The following AIG1 variants were observed in gnomAD, a reference collection of about 807,000 sequenced individuals.
AIG1 encodes androgen induced 1.
Under a neutral mutation model 31.4 loss-of-function variants are expected in AIG1, and 23 were observed. The ratio of observed to expected loss-of-function variants is 0.73; its 90% CI spans 0.53 to 1.04. The LOEUF (loss-of-function observed/expected upper bound fraction) is 1.04. Ranked by LOEUF, AIG1 falls within the 50% of genes least tolerant of loss-of-function variation. AIG1 has a pLI of 0.00. For missense variants in AIG1, 274 were observed against 295.0 expected (o/e 0.93, Z 0.52); for synonymous variants, 100 against 110.5 (o/e 0.90, Z 0.60).
chr6:143,252,517 G>A (rs933295504), intron 3 of AIG1, among the ~76,000 whole-genome samples: 20 of 152,182 alleles, frequency 1.3e-4, no homozygotes, highest in Non-Finnish European at 2.8e-4. Context: ...CAAGAGTGGG[G>A]AAATTTTTCA....
At chr6:143,219,351 T>G (rs1192337140) in intron 3 of AIG1, among the ~76,000 whole-genome samples, 1 of 152,146 alleles carries the variant, frequency 6.6e-6, no homozygotes, top group East Asian at 1.9e-4. Context: ...ATGCCTGTGG[T>G]CCCAGCTACT....
At chr6:143,061,214 T>A in intron 1 of AIG1, 148 bp downstream of exon 1, 1 of 972,740 alleles carries the variant, frequency 1.0e-6, no homozygotes, top group Non-Finnish European at 1.6e-6. Context: ...TCTTCCCCAG[T>A]GATTGCGTGT....
intron 3 of AIG1, among the ~76,000 whole-genome samples, chr6:143,204,505 C>G (rs1394378075): frequency 6.6e-6 from 1 of 152,038 alleles, no homozygotes; most frequent in Non-Finnish European, 1.5e-5. Context: ...GAGCAGTATT[C>G]CAGGTGAAAC....
At chr6:143,141,901 C>T (rs1194601914) in intron 2 of AIG1, among the ~76,000 whole-genome samples, 1 of 151,558 alleles carries the variant, frequency 6.6e-6, no homozygotes, top group African/African-American at 2.4e-5. Flanking sequence ...GGAGGGGAGG[C>T]ATGAGAGAAG....
chr6:143,253,569 A>G (rs1795161501), intron 3 of AIG1, among the ~76,000 whole-genome samples: 1 of 152,230 alleles, frequency 6.6e-6, no homozygotes, highest in African/African-American at 2.4e-5. Context: ...CCCACAGTGC[A>G]TATAAATAGA....
At chr6:143,178,760 C>T (rs536260119) in intron 3 of AIG1, among the ~76,000 whole-genome samples, 6 of 152,302 alleles carry the variant, frequency 3.9e-5, no homozygotes, top group Admixed American at 6.5e-5. Flanking sequence ...ATGATGTCTT[C>T]TGTAACTTTT....
intron 3 of AIG1, among the ~76,000 whole-genome samples, chr6:143,260,538 G>T (rs1399963098): frequency 6.6e-6 from 1 of 152,156 alleles, no homozygotes; most frequent in Admixed American, 6.5e-5. Flanking sequence ...AAAAACCTGT[G>T]GGGTGCTGTG....
At chr6:143,233,713 C>T (rs988790957) in intron 3 of AIG1, among the ~76,000 whole-genome samples, 3 of 152,116 alleles carry the variant, frequency 2.0e-5, no homozygotes, top group African/African-American at 7.2e-5. Context: ...TAGTTGGCCA[C>T]GTTTGATTGG....
chr6:143,306,250 G>T (rs1327527412), intron 4 of AIG1, among the ~76,000 whole-genome samples: 2 of 152,000 alleles, frequency 1.3e-5, no homozygotes, highest in African/African-American at 4.8e-5. Flanking sequence ...TGTTATGTGT[G>T]AATTTGATCC....
chr6:143,211,673 A>T (rs1237179149), intron 3 of AIG1, among the ~76,000 whole-genome samples: 2 of 152,140 alleles, frequency 1.3e-5, no homozygotes, highest in African/African-American at 4.8e-5. Context: ...CGGATGGATC[A>T]CTCGAGGTCA....
intron 5 of AIG1, chr6:143,335,524 C>G (rs965936427): frequency 1.8e-5 from 2 of 110,964 alleles, no homozygotes; most frequent in African/African-American, 7.6e-5. Flanking sequence ...GAACAAGACT[C>G]CATCTCAAAA....
intron 3 of AIG1, among the ~76,000 whole-genome samples, chr6:143,190,878 T>G (rs1789730787): frequency 6.6e-6 from 1 of 152,236 alleles, no homozygotes; most frequent in African/African-American, 2.4e-5. Flanking sequence ...CTTCTTTCCA[T>G]GCCATTGAAG....
chr6:143,088,340 A>C (rs962988109), intron 1 of AIG1, among the ~76,000 whole-genome samples: 7 of 152,098 alleles, frequency 4.6e-5, no homozygotes, highest in Admixed American at 6.5e-5. Context: ...AAATCCCTAT[A>C]GAATAGGAAA....
chr6:143,306,916 C>T (rs963103886), intron 4 of AIG1, among the ~76,000 whole-genome samples: 3 of 152,122 alleles, frequency 2.0e-5, no homozygotes, highest in African/African-American at 7.2e-5. Flanking sequence ...ATTCTTTTTT[C>T]TCCAAACTTC....
chr6:143,278,197 C>T (rs1158375427), intron 3 of AIG1, among the ~76,000 whole-genome samples: 1 of 152,168 alleles, frequency 6.6e-6, no homozygotes, highest in Non-Finnish European at 1.5e-5. Flanking sequence ...TTCCAGTTTC[C>T]TGGTGAAAGA....
intron 2 of AIG1, among the ~76,000 whole-genome samples, chr6:143,157,602 G>C (rs1287591901): frequency 6.6e-6 from 1 of 152,166 alleles, no homozygotes; most frequent in Middle Eastern, 3.4e-3. Flanking sequence ...TCTGCAGAAA[G>C]CTAAACCCCG....
At chr6:143,207,282 T>G (rs1179770360) in intron 3 of AIG1, among the ~76,000 whole-genome samples, 1 of 152,112 alleles carries the variant, frequency 6.6e-6, no homozygotes, top group African/African-American at 2.4e-5. Flanking sequence ...TTTTCTGGTG[T>G]TTGTATTCCC....
chr6:143,159,443 A>T (rs1786119223), intron 2 of AIG1, among the ~76,000 whole-genome samples: 1 of 152,266 alleles, frequency 6.6e-6, no homozygotes, highest in South Asian at 2.1e-4. Flanking sequence ...AAACCCACGA[A>T]AAAAAGAGCA....
chr6:143,341,244 C>T (rs893244982), downstream of AIG1, among the ~76,000 whole-genome samples: 1 of 152,134 alleles, frequency 6.6e-6, no homozygotes, highest in Non-Finnish European at 1.5e-5. Context: ...CAGAAAAGCA[C>T]AGCAATACCA....
Sources: gnomAD v4.1 joint callset for allele counts (sites outside exome capture counted in the v4.1 genomes callset) on GRCh38, gnomAD v4.1.1 for gene constraint, MANE v1.5 for transcripts, NCBI Gene and HGNC (gene_info 2026-07-23, HGNC 2026-07-21) for gene names.